Variants in TACR1 observed in about 807,000 individuals in gnomAD.
TACR1 encodes substance-P receptor.
Under a neutral mutation model 35.8 loss-of-function variants are expected in TACR1, and 25 were observed. The observed-to-expected ratio is 0.70, with a 90% confidence interval of 0.51 to 0.98. The LOEUF (loss-of-function observed/expected upper bound fraction) is 0.98. TACR1 is among the 50% of genes least tolerant of loss of function. The pLI, the probability that TACR1 is intolerant of heterozygous loss-of-function variation, is 0.00. For missense variants in TACR1, 478 were observed against 522.9 expected, an observed-to-expected ratio of 0.91 and a Z score of 0.84; for synonymous variants, 195 against 206.7, an observed-to-expected ratio of 0.94 and a Z score of 0.48.
At chr2:75,197,094 C>T (rs1381613222) in intron 1 of TACR1, among the ~76,000 whole-genome samples, 1 of 152,216 alleles carries the variant, frequency 6.6e-6, no homozygotes, top group Non-Finnish European at 1.5e-5. Flanking sequence ...CAAAATAATT[C>T]ATTTCACTCC....
rs140481026 is a variant in TACR1 at position 75,051,514 on chromosome 2, C to T, written c.736-67G>A. The T allele has an allele frequency of 1.1e-4, 179 of 1,585,982 alleles. 1 individual carries two copies. The East Asian group carries it at 3.7e-3, about 33-fold the overall frequency. ...CCTCTCTCACGGCTGCTTCCTCTCT[C>T]CTCCCACGCCCTCACTGTGCACAGT... On this transcript the variant is annotated intron_variant, in intron 3 of 4. Coordinates refer to ENST00000305249, the MANE Select transcript of TACR1 (RefSeq NM_001058.4).
intron 2 of TACR1, among the ~76,000 whole-genome samples, chr2:75,058,260 G>T (rs960543390): frequency 6.6e-6 from 1 of 152,078 alleles, no homozygotes; most frequent in African/African-American, 2.4e-5. Context: ...TTTCAGAAAA[G>T]TATTTTTTAA....
intron 1 of TACR1, among the ~76,000 whole-genome samples, chr2:75,192,167 G>T (rs1675861677): frequency 6.6e-6 from 1 of 152,050 alleles, no homozygotes; most frequent in South Asian, 2.1e-4. Context: ...ACTCTGTTCT[G>T]GTCATCTCCT....
chr2:75,120,727 G>A lies in TACR1; in HGVS notation c.431C>T (p.Ala144Val). 1 of 1,613,792 alleles carries A rather than the reference G, an allele frequency of 6.2e-7. No homozygotes were observed. Among genetic ancestry groups the A allele is most frequent in the Non-Finnish European group, 8.5e-7 (1 of 1,179,932 alleles). ...IIHPLQPRLSATATKVVICVI... is the reference protein window; with the variant it reads ...IIHPLQPRLSVTATKVVICVI... Reference sequence around the variant, plus strand: ...ACAGATGACCACTTTGGTGGCTGTGGCTGACAGCCGGGGCTGGAGGGGATG... The same window carrying A: ...ACAGATGACCACTTTGGTGGCTGTGACTGACAGCCGGGGCTGGAGGGGATG... The change falls in exon 2 of 5, where the codon GCC becomes GTC. Residue 144 changes from alanine (A) to valine (V), a missense_variant. By Grantham distance (64) the Ala-to-Val change is moderately conservative. Coordinates refer to ENST00000305249, the MANE Select transcript of TACR1 (RefSeq NM_001058.4).
chr2:75,123,380 A>G (rs983256299), intron 1 of TACR1, among the ~76,000 whole-genome samples: 2 of 151,362 alleles, frequency 1.3e-5, no homozygotes, highest in African/African-American at 4.9e-5. Flanking sequence ...TCCTAACACC[A>G]CTCCCCATGC....
chr2:75,062,530 C>A (rs894332779), intron 2 of TACR1, among the ~76,000 whole-genome samples: 1 of 152,106 alleles, frequency 6.6e-6, no homozygotes, highest in Non-Finnish European at 1.5e-5. Flanking sequence ...CATGGAGGTA[C>A]CATAGTTATT....
intron 2 of TACR1, among the ~76,000 whole-genome samples, chr2:75,108,669 A>G (rs1226861208): frequency 2.0e-5 from 3 of 152,182 alleles, no homozygotes; most frequent in Non-Finnish European, 4.4e-5. Context: ...AAGAGGCATA[A>G]CCACTAGAAA....
chr2:75,062,971 G>A (rs1162302149), intron 2 of TACR1, among the ~76,000 whole-genome samples: 1 of 152,206 alleles, frequency 6.6e-6, no homozygotes, highest in African/African-American at 2.4e-5. Context: ...TGGACTTATA[G>A]TTCCACATGG....
chr2:75,162,974 C>T (rs1031407268), intron 1 of TACR1, among the ~76,000 whole-genome samples: 1 of 152,158 alleles, frequency 6.6e-6, no homozygotes, highest in South Asian at 2.1e-4. Flanking sequence ...CTTCCCAGTC[C>T]GTTTGCAACT....
chr2:75,065,580 T>G (rs1672747381), intron 2 of TACR1, among the ~76,000 whole-genome samples: 1 of 152,136 alleles, frequency 6.6e-6, no homozygotes, highest in East Asian at 1.9e-4. Flanking sequence ...AGATCTGGGA[T>G]GAGCTTCTCT....
intron 1 of TACR1, among the ~76,000 whole-genome samples, chr2:75,123,437 G>A (rs1011674269): frequency 1.3e-5 from 2 of 152,100 alleles, no homozygotes; most frequent in Admixed American, 6.6e-5. Flanking sequence ...CTGGGCTTAC[G>A]GGGGATTGCA....
intron 1 of TACR1, among the ~76,000 whole-genome samples, chr2:75,166,216 G>A (rs1675139975): frequency 6.6e-6 from 1 of 152,102 alleles, no homozygotes; most frequent in Non-Finnish European, 1.5e-5. Flanking sequence ...TGGTCATCTG[G>A]AGACAGACTA....
chr2:75,049,523 G>A lies in TACR1; in HGVS notation c.1133C>T (p.Ser378Leu), dbSNP rs140559234. Residue 378 changes from serine (S) to leucine (L), a missense_variant, in exon 5 of 5, where the codon TCG becomes TTG. Coordinates refer to ENST00000305249, the MANE Select transcript of TACR1 (RefSeq NM_001058.4). Reference sequence around the variant, plus strand: ...GCAGTTGGAGGTCAGGTCCAGGGACGAGGGTGTGGCCTTGGGGCCGTCCTC... The same window carrying A: ...GCAGTTGGAGGTCAGGTCCAGGGACAAGGGTGTGGCCTTGGGGCCGTCCTC... ...EPEDGPKATP[S>L]SLDLTSNCSS... 246 of 1,614,180 alleles carry A rather than the reference G, an allele frequency of 1.5e-4. No individual in the cohort carries two copies. The African/African-American group carries it at 2.6e-3, about 17-fold the overall frequency.
At chr2:75,080,395 C>T (rs1435618087) in intron 2 of TACR1, among the ~76,000 whole-genome samples, 1 of 152,106 alleles carries the variant, frequency 6.6e-6, no homozygotes, top group Non-Finnish European at 1.5e-5. Context: ...GCATCTATCG[C>T]CATTGGTATG....
At chr2:75,165,543 C>T (rs1675119256) in intron 1 of TACR1, among the ~76,000 whole-genome samples, 1 of 152,036 alleles carries the variant, frequency 6.6e-6, no homozygotes, top group Admixed American at 6.6e-5. Context: ...CTCCTGACCT[C>T]GTGATGCCCC....
At chr2:75,142,554 C>T (rs775319062) in intron 1 of TACR1, among the ~76,000 whole-genome samples, 14 of 152,124 alleles carry the variant, frequency 9.2e-5, no homozygotes, top group African/African-American at 2.4e-4. Flanking sequence ...GTTATTCATG[C>T]GTTTATGAAC....
In TACR1 at chr2:75,120,754, A is replaced by G. The variant is rs761903018; in HGVS notation, c.404T>C (p.Ile135Thr). 2 of 1,612,386 alleles carry G rather than the reference A, an allele frequency of 1.2e-6. No homozygotes were observed. The highest frequency in any genetic ancestry group is 1.1e-5 in the South Asian group (1 of 90,870). Residue 135 changes from isoleucine to threonine, a missense_variant, in exon 2 of 5, where the codon ATA (isoleucine) becomes ACA (threonine). By Grantham distance (89) the Ile-to-Thr change is moderately conservative. Coordinates refer to ENST00000305249, the MANE Select transcript of TACR1 (RefSeq NM_001058.4). ...TGACAGCCGGGGCTGGAGGGGATGT[A>G]TGATGGCCATGTACCTGGAACAGAG... ...AVAFDRYMAI[I>T]HPLQPRLSAT...
chr2:75,190,470 G>T (rs1675817755), intron 1 of TACR1, among the ~76,000 whole-genome samples: 1 of 152,152 alleles, frequency 6.6e-6, no homozygotes, highest in African/African-American at 2.4e-5. Flanking sequence ...GAACATAAAT[G>T]TTTTACCCTG....
At chr2:75,077,032 T>G (rs112976001) in intron 2 of TACR1, among the ~76,000 whole-genome samples, 2,471 of 152,238 alleles carry the variant, frequency 0.016, 54 homozygotes, top group African/African-American at 0.056. Context: ...GTGCAATGGC[T>G]CGATCTTGGC....
Sources: allele counts gnomAD v4.1 joint callset (sites outside exome capture counted in the v4.1 genomes callset), GRCh38; gene constraint gnomAD v4.1.1; transcripts MANE v1.5; gene names NCBI Gene and HGNC (gene_info 2026-07-23, HGNC 2026-07-21).